CEP126: variants seen among roughly 807,000 people sequenced by gnomAD.
CEP126 encodes centrosomal protein of 126 kDa.
Under a neutral mutation model 107.8 loss-of-function variants are expected in CEP126, and 74 were observed. That is an observed-to-expected ratio of 0.69 (90% CI 0.57 to 0.83). The LOEUF (loss-of-function observed/expected upper bound fraction) is 0.83, where lower values mean the gene tolerates loss of function less well. CEP126 is among the 40% of genes least tolerant of loss of function. CEP126 has a pLI of 0.00. For missense variants in CEP126, 1,237 were observed against 1,281.9 expected (o/e 0.96, Z 0.53); for synonymous variants, 449 against 446.0 (o/e 1.01, Z -0.08).
At chr11:101,963,987 T>A (rs891789273) in intron 6 of CEP126, 107 bp downstream of exon 6, 5 of 698,284 alleles carry the variant, frequency 7.2e-6, no homozygotes, top group Admixed American at 3.0e-5. Context: ...TAAATATTAA[T>A]ATTAAACAAT....
intron 8 of CEP126, among the ~76,000 whole-genome samples, chr11:101,985,572 C>T (rs1000246717): frequency 8.5e-5 from 13 of 152,130 alleles, no homozygotes; most frequent in South Asian, 2.1e-4. Flanking sequence ...CATGAGCCAC[C>T]GCATCCAGCT....
intron 2 of CEP126, among the ~76,000 whole-genome samples, chr11:101,942,349 A>T (rs1378702562): frequency 2.0e-5 from 3 of 152,056 alleles, no homozygotes; most frequent in South Asian, 2.1e-4. Context: ...GTATCCAGAT[A>T]TCCAACACCA....
intron 5 of CEP126, among the ~76,000 whole-genome samples, chr11:101,959,263 T>A (rs1940941736): frequency 6.6e-6 from 1 of 151,858 alleles, no homozygotes. Flanking sequence ...TTCAAGCAGT[T>A]CTCCTGCCTC....
At chr11:101,923,386 TG>T (rs1940360987) in intron 2 of CEP126, among the ~76,000 whole-genome samples, 1 of 152,204 alleles carries the variant, frequency 6.6e-6, no homozygotes, top group Admixed American at 6.5e-5. Flanking sequence ...TTTTTCAGGA[TG>T]TTTTTTAAAT....
rs987304938 is a variant in CEP126, at chr11:101,922,670, TAGA to T, written c.165_167del (p.Glu56del). 18 of 1,609,116 alleles carry T rather than the reference TAGA, an allele frequency of 1.1e-5. No homozygotes were observed. Among genetic ancestry groups the T allele is most frequent in the Admixed American group, 5.0e-5 (3 of 59,950 alleles). ...ATGAAAATCCATCTGGAGAAAAATTTAGAAGAAGAGCGCCAGATATTACTGCAG... is the reference window on the plus strand; with the variant it reads ...ATGAAAATCCATCTGGAGAAAAATTTAGAAGAGCGCCAGATATTACTGCAG... On this transcript the variant is annotated inframe_deletion, in exon 2 of 11. Coordinates refer to ENST00000263468, the MANE Select transcript of CEP126 (RefSeq NM_020802.4).
At chr11:101,915,450 T>C (rs1591263587) in intron 1 of CEP126, 38 bp downstream of exon 1, 6 of 1,581,608 alleles carry the variant, frequency 3.8e-6, no homozygotes, top group Non-Finnish European at 3.4e-6. Flanking sequence ...GGTAGCGATG[T>C]TGAAAACGGG....
At chr11:101,979,574 CTCG>C (rs1941231582) in intron 7 of CEP126, among the ~76,000 whole-genome samples, 4 of 151,982 alleles carry the variant, frequency 2.6e-5, no homozygotes, top group Non-Finnish European at 4.4e-5. Flanking sequence ...ATAGCAAGAC[CTCG>C]TCTCTGCAAA....
intron 9 of CEP126, 134 bp downstream of exon 9, chr11:101,987,175 C>T: frequency 1.6e-6 from 1 of 616,630 alleles, no homozygotes; most frequent in South Asian, 2.1e-5. Flanking sequence ...AGTGCATAAC[C>T]ATTCAGACTA....
chr11:101,962,614 A>G lies in CEP126; in HGVS notation c.1579A>G (p.Ile527Val), dbSNP rs1940993823. Residue 527 changes from isoleucine to valine, a missense_variant, in exon 6 of 11, where the codon ATA (isoleucine) becomes GTA (valine). Physicochemically the swap from Ile to Val is conservative, Grantham distance 29. Around this residue, in one of 3 missense-constraint regions of CEP126, gnomAD observed 1,134 missense variants for 1,150.5 expected, o/e 0.99. Coordinates refer to ENST00000263468, the MANE Select transcript of CEP126 (RefSeq NM_020802.4). ...LFSDSFQDAYIPHNPDSKDEK... is the reference protein window; with the variant it reads ...LFSDSFQDAYVPHNPDSKDEK... ...TTCAGACAGTTTTCAAGATGCCTAT[A>G]TACCTCACAATCCTGATTCAAAAGA... 7 of 1,613,580 alleles carry G rather than the reference A, an allele frequency of 4.3e-6. No individual in the cohort carries two copies. The highest frequency in any genetic ancestry group is 1.3e-5 in the African/African-American group (1 of 74,918).
intron 4 of CEP126, among the ~76,000 whole-genome samples, chr11:101,954,901 T>G (rs1940864151): frequency 6.6e-6 from 1 of 152,148 alleles, no homozygotes; most frequent in African/African-American, 2.4e-5. Flanking sequence ...CTGAAACCAT[T>G]GATAAACTAC....
intron 2 of CEP126, among the ~76,000 whole-genome samples, chr11:101,926,320 A>C (rs1369071633): frequency 6.6e-6 from 1 of 152,210 alleles, no homozygotes; most frequent in South Asian, 2.1e-4. Flanking sequence ...TTTTATTTAG[A>C]GAGAACAATA....
Position 101,922,734 on chromosome 11 carries a change from T to C in CEP126, c.222T>C (p.Tyr74=). The C allele has an allele frequency of 6.2e-7, 1 of 1,612,668 alleles. No individual in the cohort carries two copies. The highest frequency in any genetic ancestry group is 8.5e-7 in the Non-Finnish European group (1 of 1,179,016). Residue 74 remains tyrosine (Y), a synonymous_variant, in exon 2 of 11, where the codon TAT becomes TAC. Transcript: ENST00000263468. ...QKICRNRARK[Y]FVESNRRKKA... ...TATGTCGAAATCGAGCACGTAAATA[T>C]TTTGTGGAGTCAAATCGGAGAAAAA...
chr11:101,994,954 C>T (rs1456891803), intron 10 of CEP126, among the ~76,000 whole-genome samples: 1 of 151,518 alleles, frequency 6.6e-6, no homozygotes, highest in African/African-American at 2.4e-5. Context: ...ATACATGTCC[C>T]GTGGTGGTTT....
At chr11:101,955,922 CG>C (rs1565358697) in intron 4 of CEP126, 1 of 456,400 alleles carries the variant, frequency 2.2e-6, no homozygotes, top group Non-Finnish European at 4.4e-6. Context: ...TTCTCCTGCC[CG>C]CCAGCCCCAT....
chr11:101,959,566 A>C (rs1222987188), intron 5 of CEP126, among the ~76,000 whole-genome samples: 2 of 152,240 alleles, frequency 1.3e-5, no homozygotes, highest in Admixed American at 1.3e-4. Context: ...TATATGACGC[A>C]TAACCAGGAG....
At chr11:101,992,896 T>C in intron 10 of CEP126, 54 bp downstream of exon 10, 1 of 1,440,698 alleles carries the variant, frequency 6.9e-7, no homozygotes, top group African/African-American at 1.5e-5. Flanking sequence ...TCTGATTTTA[T>C]GTACACATCA....
intron 1 of CEP126, among the ~76,000 whole-genome samples, chr11:101,917,603 T>TA (rs199615063): frequency 1.5e-3 from 202 of 138,014 alleles, no homozygotes; most frequent in East Asian, 6.1e-3. Context: ...AAATGGAATT[T>TA]AAAAAAAAAA....
intron 3 of CEP126, among the ~76,000 whole-genome samples, chr11:101,947,395 A>T (rs919659130): frequency 1.3e-5 from 2 of 152,304 alleles, no homozygotes; most frequent in South Asian, 4.1e-4. Context: ...AGAGAGAAGT[A>T]GGGTAAAATA....
At position 101,981,826 on chromosome 11, in the gene CEP126, C is replaced by CA. The variant is rs1366077101; in HGVS notation, c.2959-62dup. The CA allele has an allele frequency of 1.5e-5, 15 of 972,654 alleles. No individual in the cohort carries two copies. In the Admixed American group the frequency reaches 3.3e-4, roughly 21 times the overall value. The allele number at this position is 972,654 out of a possible 1,614,324, so 60.3% of individuals were successfully genotyped here. A position where few individuals can be genotyped will look rare whatever the true frequency, so the allele number is the denominator to read the frequency against. On this transcript the variant is annotated intron_variant, in intron 7 of 10. Transcript: ENST00000263468. ...AGCAATTAAAAGTTTTTTAAAAGTT[C>CA]ATGTACATATTATGAATTTTAAATA...
Sources: gnomAD v4.1 joint callset for allele counts (sites outside exome capture counted in the v4.1 genomes callset) on GRCh38, gnomAD v4.1.1 for gene constraint, gnomAD v4.1.1 regional missense constraint, MANE v1.5 for transcripts, NCBI Gene and HGNC (gene_info 2026-07-23, HGNC 2026-07-21) for gene names.